OPA1: variants seen among roughly 807,000 people sequenced by gnomAD.
OPA1 encodes the protein dynamin-like GTPase OPA1, mitochondrial.
In OPA1, 59 loss-of-function variants were observed where a neutral mutation model predicts 152.9. That is an observed-to-expected ratio of 0.39 (90% CI 0.31 to 0.48). The LOEUF (loss-of-function observed/expected upper bound fraction) is 0.48, where lower values mean the gene tolerates loss of function less well. Ranked by LOEUF, OPA1 falls within the 20% of genes least tolerant of loss-of-function variation. The pLI, the probability that OPA1 is intolerant of heterozygous loss-of-function variation, is 0.96. For synonymous variants in OPA1, 400 were observed against 389.9 expected (o/e 1.03, Z -0.31); for missense variants, 1,008 against 1,216.8 (o/e 0.83, Z 2.55).
chr3:193,657,214 C>G lies in OPA1; in HGVS notation c.2313C>G (p.Asp771Glu). The G allele has an allele frequency of 1.9e-6, 3 of 1,613,940 alleles. No individual in the cohort carries two copies. Among genetic ancestry groups the G allele is most frequent in the Non-Finnish European group, 2.5e-6 (3 of 1,179,898 alleles). ...GTATTAAACGACACAAGTGGAATGA[C>G]TTTGCGGAGGACAGCTTGGTATGTT... is the stretch of plus-strand genomic sequence containing the variant. Reference protein sequence around the residue: ...EESIKRHKWNDFAEDSLRVIQ... With the variant: ...EESIKRHKWNEFAEDSLRVIQ... The change falls in exon 23 of 31, where the codon GAC becomes GAG. Residue 771 changes from aspartate (D) to glutamate (E), a missense_variant. Asp to Glu is a conservative substitution (Grantham distance 45, BLOSUM62 2). Around this residue, in one of 7 missense-constraint regions of OPA1, gnomAD observed 229 missense variants for 269.0 expected, o/e 0.85. Coordinates refer to ENST00000361510, the MANE Select transcript of OPA1 (RefSeq NM_130837.3).
At chr3:193,657,864 T>A (rs924774278) in intron 23 of OPA1, among the ~76,000 whole-genome samples, 9 of 152,168 alleles carry the variant, frequency 5.9e-5, no homozygotes, top group Non-Finnish European at 1.3e-4. Flanking sequence ...CTCAGAGAGT[T>A]ACTAGAGGTG....
In OPA1 at chr3:193,639,534, A is replaced by G. The variant is rs562585350; in HGVS notation, c.1149+1469A>G. Among the ~76,000 whole-genome samples the G allele has an allele frequency of 2.2e-4, 34 of 152,348 alleles. No individual in the cohort carries two copies. In the South Asian group the frequency reaches 7.0e-3, roughly 32 times the overall value. ...TGTGTGGCTGTCATGTTCAAGGAAC[A>G]ACAAAGAGGCCTGTGTGGTCAGGTC... On this transcript the variant is annotated intron_variant, in intron 11 of 30. Transcript: ENST00000361510.
At chr3:193,632,362 T>C (rs1374741009) in intron 8 of OPA1, among the ~76,000 whole-genome samples, 2 of 152,122 alleles carry the variant, frequency 1.3e-5, no homozygotes, top group Non-Finnish European at 2.9e-5. Flanking sequence ...GCGCCTGTAG[T>C]CCCAGCTACT....
chr3:193,692,007 C>A, intron 29 of OPA1, 56 bp from the exon 30 acceptor site: 1 of 1,049,974 alleles, frequency 9.5e-7, no homozygotes, highest in South Asian at 1.4e-5. Context: ...ATAATTACCT[C>A]CTGATTTGTG....
intron 8 of OPA1, among the ~76,000 whole-genome samples, chr3:193,633,048 T>A (rs13096511): frequency 3.3e-5 from 5 of 151,812 alleles, no homozygotes; most frequent in Admixed American, 3.3e-4. Flanking sequence ...TGGTATCTAT[T>A]TATTGAGTCT....
At chr3:193,599,985 T>C (rs1726218076) in intron 1 of OPA1, among the ~76,000 whole-genome samples, 1 of 152,246 alleles carries the variant, frequency 6.6e-6, no homozygotes, top group African/African-American at 2.4e-5. Context: ...CAGCAGTCTA[T>C]GAGTGGTTGA....
intron 6 of OPA1, among the ~76,000 whole-genome samples, chr3:193,623,092 C>T (rs1046062048): frequency 1.3e-5 from 2 of 151,826 alleles, no homozygotes; most frequent in African/African-American, 2.4e-5. Flanking sequence ...AAGTTCAAGA[C>T]ACTGGCAGAT....
chr3:193,634,491 C>T (rs542416025), intron 8 of OPA1, among the ~76,000 whole-genome samples: 323 of 151,938 alleles, frequency 2.1e-3, no homozygotes, highest in Non-Finnish European at 3.6e-3. Context: ...AATCTTGGCT[C>T]GCTGCAACCT....
chr3:193,626,766 A>G (rs776927284), intron 7 of OPA1, among the ~76,000 whole-genome samples: 3 of 152,226 alleles, frequency 2.0e-5, no homozygotes, highest in Non-Finnish European at 4.4e-5. Flanking sequence ...GTCAGCACAA[A>G]TAAATTTTCA....
At chr3:193,625,564 C>T (rs551584828) in intron 6 of OPA1, among the ~76,000 whole-genome samples, 57 of 152,090 alleles carry the variant, frequency 3.7e-4, no homozygotes, top group African/African-American at 1.3e-3. Flanking sequence ...TGCAAAGGCA[C>T]ATAGAATATA....
chr3:193,603,960 G>A (rs1441381873), intron 1 of OPA1, among the ~76,000 whole-genome samples: 2 of 152,174 alleles, frequency 1.3e-5, no homozygotes, highest in Non-Finnish European at 2.9e-5. Flanking sequence ...CCTTTTAGAT[G>A]AAGATAAGAA....
rs1283226000 is a variant in OPA1 at position 193,629,389 on chromosome 3, C to T, written c.790-2223C>T. On this transcript the variant is annotated intron_variant, in intron 7 of 30. Transcript: ENST00000361510. ...TAACACTTGTGATCATTAAATACTA[C>T]TAATCTAGCATATAAATTATATTTG... Among the ~76,000 whole-genome samples the T allele has an allele frequency of 2.6e-5, 4 of 152,074 alleles. No individual in the cohort carries two copies. In the East Asian group the frequency reaches 7.7e-4, roughly 29 times the overall value.
intron 19 of OPA1, 85 bp downstream of exon 19, chr3:193,647,265 T>C (rs1323518573): frequency 1.2e-6 from 1 of 839,560 alleles, no homozygotes. Context: ...TCTGTACTTC[T>C]TTCCTTTAAC....
chr3:193,595,969 A>G (rs1022148963), intron 1 of OPA1, among the ~76,000 whole-genome samples: 3 of 152,170 alleles, frequency 2.0e-5, no homozygotes, highest in African/African-American at 2.4e-5. Context: ...TTTTTAAATT[A>G]TATATGTATC....
At chr3:193,603,932 G>C (rs1468537139) in intron 1 of OPA1, among the ~76,000 whole-genome samples, 1 of 152,182 alleles carries the variant, frequency 6.6e-6, no homozygotes, top group Non-Finnish European at 1.5e-5. Context: ...CAGAGTAGCA[G>C]CATTAAGTAG....
At position 193,637,994 on chromosome 3, in the gene OPA1, T is replaced by C. The variant is rs1733198507; in HGVS notation, c.1078T>C (p.Leu360=). 3.1e-6 allele frequency: 5 copies of C among 1,614,094 alleles called. No individual in the cohort carries two copies. Among genetic ancestry groups the C allele is most frequent in the Non-Finnish European group, 4.2e-6 (5 of 1,179,956 alleles). ...GDQSAGKTSV[L]EMIAQARIFP... ...TCAGAGTGCTGGAAAGACTAGTGTG[T>C]TGGAAATGATTGCCCAAGCTCGAAT... Residue 360 remains leucine (L), a synonymous_variant, in exon 11 of 31, where the codon TTG becomes CTG. Transcript: ENST00000361510.
At chr3:193,606,598 A>T (rs1486016321) in intron 1 of OPA1, among the ~76,000 whole-genome samples, 1 of 152,194 alleles carries the variant, frequency 6.6e-6, no homozygotes, top group Non-Finnish European at 1.5e-5. Context: ...ACATTAACTC[A>T]TCATTTTTTA....
At chr3:193,610,619 G>A (rs940079588) in intron 1 of OPA1, among the ~76,000 whole-genome samples, 34 of 152,214 alleles carry the variant, frequency 2.2e-4, no homozygotes, top group African/African-American at 8.2e-4. Context: ...GTTCGGCTAT[G>A]CCCTGCCTGC....
At chr3:193,612,033 A>C (rs1728328958) in intron 1 of OPA1, among the ~76,000 whole-genome samples, 1 of 151,980 alleles carries the variant, frequency 6.6e-6, no homozygotes, top group Non-Finnish European at 1.5e-5. Context: ...TCCATTTCTG[A>C]GCTTCACCAG....
Sources: gnomAD v4.1 joint callset for allele counts (sites outside exome capture counted in the v4.1 genomes callset) on GRCh38, gnomAD v4.1.1 for gene constraint, gnomAD v4.1.1 regional missense constraint, MANE v1.5 for transcripts, NCBI Gene and HGNC (gene_info 2026-07-23, HGNC 2026-07-21) for gene names.